Variants in CACNA2D1 observed in about 807,000 individuals in gnomAD.
CACNA2D1 encodes calcium voltage-gated channel auxiliary subunit alpha2delta 1.
CACNA2D1 carries 53 observed loss-of-function variants against 171.5 expected under a neutral mutation model. The observed-to-expected ratio is 0.31, with a 90% confidence interval of 0.25 to 0.39. CACNA2D1 has a LOEUF of 0.39. Among genes scored for constraint, CACNA2D1 ranks in the 10% least tolerant of loss-of-function variants. CACNA2D1 has a pLI of 1.00. For synonymous variants in CACNA2D1, 442 were observed against 443.1 expected (o/e 1.00, Z 0.03); for missense variants, 903 against 1,299.8 (o/e 0.69, Z 4.69).
intron 1 of CACNA2D1, among the ~76,000 whole-genome samples, chr7:82,414,454 T>C (rs1435013404): frequency 6.6e-6 from 1 of 152,064 alleles, no homozygotes; most frequent in Non-Finnish European, 1.5e-5. Context: ...TAAGGAAACA[T>C]GAAACAAACG....
intron 3 of CACNA2D1, among the ~76,000 whole-genome samples, chr7:82,210,798 T>C (rs1259416972): frequency 6.6e-6 from 1 of 152,224 alleles, no homozygotes; most frequent in Non-Finnish European, 1.5e-5. Flanking sequence ...CTCACCATTC[T>C]CCTGTTGTTT....
At chr7:82,262,251 A>C (rs1807217135) in intron 3 of CACNA2D1, among the ~76,000 whole-genome samples, 1 of 152,164 alleles carries the variant, frequency 6.6e-6, no homozygotes, top group Non-Finnish European at 1.5e-5. Context: ...GAATGGCGTG[A>C]ACCCAGGACG....
At chr7:82,055,985 A>G (rs974033858) in intron 10 of CACNA2D1, among the ~76,000 whole-genome samples, 3 of 137,482 alleles carry the variant, frequency 2.2e-5, no homozygotes, top group African/African-American at 8.2e-5. Flanking sequence ...AAAAGGTTAC[A>G]TGACAATAAA....
intron 3 of CACNA2D1, among the ~76,000 whole-genome samples, chr7:82,291,459 T>C (rs1237423610): frequency 7.4e-6 from 1 of 135,474 alleles, no homozygotes; most frequent in African/African-American, 2.7e-5. Context: ...TTATATATAT[T>C]AAATATATAA....
chr7:81,951,466 C>T (rs2129952303), intron 38 of CACNA2D1, among the ~76,000 whole-genome samples: 1 of 152,158 alleles, frequency 6.6e-6, no homozygotes, highest in South Asian at 2.1e-4. Flanking sequence ...ATGTACAATG[C>T]ACCGAATGTA....
intron 3 of CACNA2D1, among the ~76,000 whole-genome samples, chr7:82,180,951 A>G (rs1306962797): frequency 2.7e-5 from 4 of 148,840 alleles, no homozygotes; most frequent in African/African-American, 4.9e-5. Flanking sequence ...GGCTAGTTTG[A>G]AGAAAACATG....
chr7:82,065,677 T>C (rs1807512027), intron 8 of CACNA2D1, among the ~76,000 whole-genome samples: 1 of 152,096 alleles, frequency 6.6e-6, no homozygotes, highest in Non-Finnish European at 1.5e-5. Context: ...AAGTTAGAAA[T>C]AACCTAAACG....
chr7:82,095,616 C>A (rs773829592), intron 6 of CACNA2D1, among the ~76,000 whole-genome samples: 1 of 152,092 alleles, frequency 6.6e-6, no homozygotes, highest in Non-Finnish European at 1.5e-5. Flanking sequence ...ATAACAGGCA[C>A]GCCATAAACA....
At chr7:81,963,821 C>T (rs1358550312) in intron 34 of CACNA2D1, among the ~76,000 whole-genome samples, 1 of 151,844 alleles carries the variant, frequency 6.6e-6, no homozygotes, top group Non-Finnish European at 1.5e-5. Flanking sequence ...TCTAAAGAGG[C>T]TGAAGTTTAC....
chr7:82,157,246 A>G (rs1278178721), intron 4 of CACNA2D1, among the ~76,000 whole-genome samples: 1 of 152,160 alleles, frequency 6.6e-6, no homozygotes, highest in African/African-American at 2.4e-5. Context: ...CTGTGAAAAG[A>G]AACAAAATCA....
intron 38 of CACNA2D1, among the ~76,000 whole-genome samples, chr7:81,956,502 TTAATAA>T (rs929701573): frequency 6.6e-6 from 1 of 152,154 alleles, no homozygotes; most frequent in African/African-American, 2.4e-5. Context: ...CTTTCAGGAA[TTAATAA>T]TAATTCAAAT....
intron 3 of CACNA2D1, among the ~76,000 whole-genome samples, chr7:82,324,522 G>A (rs1038895514): frequency 2.3e-4 from 35 of 152,162 alleles, no homozygotes; most frequent in African/African-American, 8.4e-4. Flanking sequence ...TCTCCTTAGT[G>A]TAATTCAAGA....
chr7:82,339,413 T>C (rs773690638), intron 2 of CACNA2D1, among the ~76,000 whole-genome samples: 1 of 152,220 alleles, frequency 6.6e-6, no homozygotes, highest in South Asian at 2.1e-4. Flanking sequence ...TTCTGCCATA[T>C]CCACAGCCAT....
chr7:82,357,666 T>C (rs1223041665), intron 1 of CACNA2D1, among the ~76,000 whole-genome samples: 1 of 124,696 alleles, frequency 8.0e-6, no homozygotes, highest in Non-Finnish European at 1.6e-5. Context: ...AAAGAGGGAA[T>C]GGGAACTATA....
At chr7:82,410,518 G>T in intron 1 of CACNA2D1, 1 of 985,360 alleles carries the variant, frequency 1.0e-6, no homozygotes, top group Non-Finnish European at 1.2e-6. Flanking sequence ...TGAGCTCAGT[G>T]GTCTGAAGGT....
chr7:82,037,523 G>A (rs1283052574), intron 11 of CACNA2D1, among the ~76,000 whole-genome samples: 3 of 151,586 alleles, frequency 2.0e-5, no homozygotes, highest in East Asian at 1.9e-4. Context: ...CAATAAGCAC[G>A]CCAGTATCTG....
chr7:82,141,534 C>G (rs1381163784), intron 4 of CACNA2D1, among the ~76,000 whole-genome samples: 1 of 152,088 alleles, frequency 6.6e-6, no homozygotes, highest in Non-Finnish European at 1.5e-5. Flanking sequence ...ATCGGGGGAG[C>G]CACACCACTC....
At chr7:82,059,441 A>G (rs1319069561) in intron 10 of CACNA2D1, among the ~76,000 whole-genome samples, 1 of 152,146 alleles carries the variant, frequency 6.6e-6, no homozygotes, top group Non-Finnish European at 1.5e-5. Context: ...ATAAAAACAT[A>G]ATACATTATA....
intron 1 of CACNA2D1, among the ~76,000 whole-genome samples, chr7:82,396,238 C>T (rs888117554): frequency 1.3e-5 from 2 of 152,170 alleles, no homozygotes; most frequent in East Asian, 1.9e-4. Flanking sequence ...AATCCCAGCA[C>T]TTTGGGAGGC....
Sources: gnomAD v4.1 joint callset for allele counts (sites outside exome capture counted in the v4.1 genomes callset) on GRCh38, gnomAD v4.1.1 for gene constraint, MANE v1.5 for transcripts, NCBI Gene and HGNC (gene_info 2026-07-23, HGNC 2026-07-21) for gene names.